The following SLC8A1 variants were observed in gnomAD, a reference collection of about 807,000 sequenced individuals.
SLC8A1 encodes the protein solute carrier family 8 member A1, also known as sodium/calcium exchanger 1.
SLC8A1 carries 18 observed loss-of-function variants against 68.3 expected under a neutral mutation model. The observed-to-expected ratio is 0.26, with a 90% confidence interval of 0.18 to 0.39. The LOEUF is 0.39. Among genes scored for constraint, SLC8A1 ranks in the 10% least tolerant of loss-of-function variants. The probability of loss-of-function intolerance (pLI) is 1.00; values close to 1 mark genes in which losing one functional copy is unlikely to be tolerated. For missense variants in SLC8A1, 985 were observed against 1,156.7 expected (o/e 0.85, Z 2.15); for synonymous variants, 475 against 415.5 (o/e 1.14, Z -1.74).
At chr2:40,486,876 C>A in intron 1 of SLC8A1, among the ~76,000 whole-genome samples, 1 of 97,372 alleles carries the variant, frequency 1.0e-5, no homozygotes, top group Non-Finnish European at 1.9e-5. Flanking sequence ...TCCCCCCTCC[C>A]CCCACCCCTT....
intron 2 of SLC8A1, among the ~76,000 whole-genome samples, chr2:40,260,256 A>G (rs930381057): frequency 6.6e-6 from 1 of 152,288 alleles, no homozygotes. Context: ...GCTATTCCTC[A>G]AGGACAAACC....
At chr2:40,146,732 A>G (rs444999) in intron 6 of SLC8A1, among the ~76,000 whole-genome samples, 50,022 of 151,666 alleles carry the variant, frequency 0.33, 8,873 homozygotes, top group African/African-American at 0.46. Flanking sequence ...ATAAAATTTG[A>G]GTTCAAGTTT....
chr2:40,189,363 C>T (rs1258000280), intron 2 of SLC8A1, among the ~76,000 whole-genome samples: 1 of 152,204 alleles, frequency 6.6e-6, no homozygotes. Context: ...CTCTGTCGCC[C>T]AGTCTGTAGT....
At chr2:40,350,934 C>T (rs567505445) in intron 2 of SLC8A1, among the ~76,000 whole-genome samples, 1 of 152,176 alleles carries the variant, frequency 6.6e-6, no homozygotes, top group Non-Finnish European at 1.5e-5. Flanking sequence ...TGTGACTTGT[C>T]AAAGGGCATG....
rs1241632456 is a variant in SLC8A1 at position 40,277,792 on chromosome 2, GTGTA to G, written c.1809-99941_1809-99938del. ...CATATGTATAAATATATATATATGT[GTGTA>G]TATATATATATATATATATATATAT... On this transcript the variant is annotated intron_variant, in intron 2 of 7. Transcript: ENST00000406785. 6.9e-3 allele frequency among the ~76,000 whole-genome samples: 632 copies of G among 92,172 alleles called. 12 individuals are homozygous for G. The highest frequency in any genetic ancestry group is 0.028 in the African/African-American group (587 of 20,978). 60.5% of individuals were successfully genotyped at this position (92,172 alleles called of 152,430 possible).
chr2:40,339,808 C>G (rs1443398331), intron 2 of SLC8A1, among the ~76,000 whole-genome samples: 1 of 152,144 alleles, frequency 6.6e-6, no homozygotes, highest in Non-Finnish European at 1.5e-5. Context: ...GAAAGACAGA[C>G]AGAAGTTACT....
chr2:40,432,160 C>A (rs1698460474), intron 1 of SLC8A1, among the ~76,000 whole-genome samples: 2 of 151,958 alleles, frequency 1.3e-5, no homozygotes, highest in South Asian at 4.1e-4. Flanking sequence ...CTAGTTCCAA[C>A]TCCCTTGTGT....
At chr2:40,370,776 G>A (rs924726470) in intron 2 of SLC8A1, among the ~76,000 whole-genome samples, 2 of 151,926 alleles carry the variant, frequency 1.3e-5, no homozygotes, top group African/African-American at 2.4e-5. Context: ...TTTCATACCT[G>A]TATTCTTACT....
chr2:40,469,090 G>C (rs1370378392), intron 1 of SLC8A1, among the ~76,000 whole-genome samples: 1 of 152,110 alleles, frequency 6.6e-6, no homozygotes, highest in Non-Finnish European at 1.5e-5. Context: ...AAAGATCCCT[G>C]ATGGTCTCAT....
chr2:40,235,109 T>C (rs1309795948), intron 2 of SLC8A1, among the ~76,000 whole-genome samples: 37 of 152,246 alleles, frequency 2.4e-4, no homozygotes, highest in African/African-American at 7.2e-4. Context: ...TGATGCTGGC[T>C]TCATAAAATG....
At chr2:40,287,151 T>C (rs1198435938) in intron 2 of SLC8A1, among the ~76,000 whole-genome samples, 1 of 152,190 alleles carries the variant, frequency 6.6e-6, no homozygotes, top group Non-Finnish European at 1.5e-5. Flanking sequence ...GTAAGACTCA[T>C]CATGTTACCA....
chr2:40,309,656 C>A (rs945537078), intron 2 of SLC8A1, among the ~76,000 whole-genome samples: 11 of 151,926 alleles, frequency 7.2e-5, no homozygotes, highest in Admixed American at 2.0e-4. Context: ...CAGGTGTGTG[C>A]CACCATGCCC....
intron 1 of SLC8A1, among the ~76,000 whole-genome samples, chr2:40,444,506 C>G (rs543955521): frequency 1.6e-4 from 25 of 152,256 alleles, no homozygotes; most frequent in Admixed American, 2.6e-4. Flanking sequence ...TTTCTCTTCA[C>G]ACTACACCAA....
At chr2:40,269,903 A>C (rs1385125853) in intron 2 of SLC8A1, among the ~76,000 whole-genome samples, 2 of 152,140 alleles carry the variant, frequency 1.3e-5, no homozygotes, top group East Asian at 3.9e-4. Context: ...AAAGGTGGAG[A>C]ACTAAAGTCT....
At chr2:40,202,025 C>G (rs1487569136) in intron 2 of SLC8A1, among the ~76,000 whole-genome samples, 6 of 151,952 alleles carry the variant, frequency 3.9e-5, no homozygotes, top group African/African-American at 1.4e-4. Flanking sequence ...TGTACACATG[C>G]TGGTGTGTGT....
chr2:40,478,402 C>T (rs942937565), intron 1 of SLC8A1, among the ~76,000 whole-genome samples: 8 of 152,104 alleles, frequency 5.3e-5, no homozygotes, highest in Non-Finnish European at 1.2e-4. Flanking sequence ...TCAATATGAC[C>T]TTTACAGATC....
At chr2:40,474,223 T>TTAACTTA (rs1704150909) in intron 1 of SLC8A1, among the ~76,000 whole-genome samples, 1 of 152,174 alleles carries the variant, frequency 6.6e-6, no homozygotes, top group African/African-American at 2.4e-5. Context: ...CATCAGGAGA[T>TTAACTTA]TATATACTTA....
chr2:40,200,214 A>AAG lies in SLC8A1; in HGVS notation c.1809-22360_1809-22359insCT, dbSNP rs2053973298. Among the ~76,000 whole-genome samples the AAG allele has an allele frequency of 2.1e-4, 2 of 9,678 alleles. 1 individual carries two copies. Among genetic ancestry groups the AAG allele is most frequent in the Non-Finnish European group, 3.9e-4 (2 of 5,158 alleles). The allele number at this position is 9,678 out of a possible 152,430, so 6.3% of individuals were successfully genotyped here. ...TATTTATATATATATATAAATATAT[A>AAG]TATATTTTTTTATATATATATATAA... is the stretch of plus-strand genomic sequence containing the variant. On this transcript the variant is annotated intron_variant, in intron 2 of 7. Transcript: ENST00000406785.
intron 2 of SLC8A1, among the ~76,000 whole-genome samples, chr2:40,299,182 G>A (rs1244859016): frequency 6.6e-6 from 1 of 152,150 alleles, no homozygotes; most frequent in East Asian, 1.9e-4. Context: ...CTGTTGGGCT[G>A]CACCTACCAG....
Sources: allele counts gnomAD v4.1 joint callset (sites outside exome capture counted in the v4.1 genomes callset), GRCh38; gene constraint gnomAD v4.1.1; transcripts MANE v1.5; gene names NCBI Gene and HGNC (gene_info 2026-07-23, HGNC 2026-07-21).